TRMT11: variants seen among roughly 807,000 people sequenced by gnomAD.
TRMT11 encodes tRNA methyltransferase 11.
Under a neutral mutation model 62.8 loss-of-function variants are expected in TRMT11, and 53 were observed. That is an observed-to-expected ratio of 0.84 (90% CI 0.68 to 1.06). The LOEUF is 1.06. Among genes scored for constraint, TRMT11 ranks in the 50% least tolerant of loss-of-function variants. The probability of loss-of-function intolerance (pLI) is 0.00; values close to 1 mark genes in which losing one functional copy is unlikely to be tolerated. For missense variants in TRMT11, 556 were observed against 553.4 expected (o/e 1.00, Z -0.05); for synonymous variants, 188 against 190.3 (o/e 0.99, Z 0.10).
intron 2 of TRMT11, among the ~76,000 whole-genome samples, chr6:125,994,322 T>C (rs564525924): frequency 6.6e-6 from 1 of 152,114 alleles, no homozygotes; most frequent in Non-Finnish European, 1.5e-5. Flanking sequence ...TCTTTTTTTT[T>C]TTCGTGTACT....
chr6:126,238,151 C>T, the TRMT11 span, among the ~76,000 whole-genome samples: 1 of 152,096 alleles, frequency 6.6e-6, no homozygotes, highest in Admixed American at 6.6e-5. Context: ...TTGATCTTTT[C>T]AAGAAACCAT....
At chr6:126,139,560 G>T (rs1045711035) in intron 21 of TRMT11, among the ~76,000 whole-genome samples, 102 of 151,928 alleles carry the variant, frequency 6.7e-4, no homozygotes, top group African/African-American at 2.4e-3. Context: ...GTAGAGATGG[G>T]GTTTCACCAT....
chr6:126,098,431 T>C (rs1583874259), intron 17 of TRMT11, among the ~76,000 whole-genome samples: 1 of 152,244 alleles, frequency 6.6e-6, no homozygotes, highest in Non-Finnish European at 1.5e-5. Context: ...AAAAGCATAC[T>C]TCAGATGCAT....
At chr6:126,240,722 A>G in the TRMT11 span, among the ~76,000 whole-genome samples, 1 of 152,210 alleles carries the variant, frequency 6.6e-6, no homozygotes, top group Non-Finnish European at 1.5e-5. Flanking sequence ...GAGAACCACT[A>G]GTGTCTTCCA....
downstream of TRMT11, among the ~76,000 whole-genome samples, chr6:126,205,157 G>C (rs2128254462): frequency 6.6e-6 from 1 of 152,280 alleles, no homozygotes; most frequent in South Asian, 2.1e-4. Context: ...AGAGGAGATG[G>C]AATAGGAAAA....
At chr6:126,271,379 A>G in the TRMT11 span, among the ~76,000 whole-genome samples, 11 of 150,416 alleles carry the variant, frequency 7.3e-5, no homozygotes, top group Non-Finnish European at 1.5e-4. Context: ...AAAAAAAAAA[A>G]AAAAAAAAAG....
chr6:126,142,476 T>C (rs1562332476), intron 21 of TRMT11, among the ~76,000 whole-genome samples: 1 of 152,088 alleles, frequency 6.6e-6, no homozygotes, highest in Non-Finnish European at 1.5e-5. Context: ...ATTGTAACTT[T>C]TGATTTGTAG....
chr6:126,043,966 A>T (rs1775964341), downstream of TRMT11, among the ~76,000 whole-genome samples: 1 of 151,942 alleles, frequency 6.6e-6, no homozygotes, highest in South Asian at 2.1e-4. Context: ...CCTTTGTCAG[A>T]TGAGTAGGTT....
upstream of TRMT11, among the ~76,000 whole-genome samples, chr6:126,176,768 C>A (rs2128238989): frequency 6.6e-6 from 1 of 152,116 alleles, no homozygotes; most frequent in South Asian, 2.1e-4. Flanking sequence ...AATTAATGAA[C>A]AAGAAGCCCA....
intron 17 of TRMT11, among the ~76,000 whole-genome samples, chr6:126,074,662 G>T (rs530602104): frequency 1.3e-5 from 2 of 152,072 alleles, no homozygotes; most frequent in African/African-American, 4.8e-5. Context: ...TTTTTTATGT[G>T]TTATTTTCCT....
At chr6:126,203,236 AT>A (rs1778756665), downstream of TRMT11, among the ~76,000 whole-genome samples, 2 of 152,220 alleles carry the variant, frequency 1.3e-5, no homozygotes, top group Non-Finnish European at 2.9e-5. Flanking sequence ...TTTTTGAACA[AT>A]TTAATCTTTT....
chr6:126,104,529 G>C (rs548933955), intron 17 of TRMT11, among the ~76,000 whole-genome samples: 1 of 152,288 alleles, frequency 6.6e-6, no homozygotes, highest in South Asian at 2.1e-4. Flanking sequence ...TGGCTCAGTG[G>C]GCCTGTCCCC....
chr6:126,145,913 T>A (rs79157381), intron 21 of TRMT11, among the ~76,000 whole-genome samples: 77 of 152,290 alleles, frequency 5.1e-4, no homozygotes, highest in African/African-American at 1.8e-3. Context: ...TAAAAATAAA[T>A]CTCCAGGTGG....
At chr6:126,257,250 A>G in the TRMT11 span, among the ~76,000 whole-genome samples, 175 of 151,966 alleles carry the variant, frequency 1.2e-3, no homozygotes, top group Middle Eastern at 3.4e-3. Context: ...TTTGGGGTCT[A>G]AAAGGTCCTT....
At chr6:126,098,535 A>G (rs1777363734) in intron 17 of TRMT11, among the ~76,000 whole-genome samples, 1 of 152,206 alleles carries the variant, frequency 6.6e-6, no homozygotes, top group Non-Finnish European at 1.5e-5. Flanking sequence ...TATAGACCAC[A>G]GTGACTGTAC....
the TRMT11 span, among the ~76,000 whole-genome samples, chr6:126,238,200 C>T: frequency 6.6e-6 from 1 of 151,954 alleles, no homozygotes; most frequent in African/African-American, 2.4e-5. Context: ...TTTTTTGTGT[C>T]TCTATCTCCT....
At chr6:126,156,486 G>C (rs1778123285) in intron 21 of TRMT11, among the ~76,000 whole-genome samples, 1 of 152,232 alleles carries the variant, frequency 6.6e-6, no homozygotes, top group Non-Finnish European at 1.5e-5. Context: ...TGCACCTGCA[G>C]GCTTATCACA....
At chr6:126,241,039 T>G in the TRMT11 span, among the ~76,000 whole-genome samples, 1 of 152,178 alleles carries the variant, frequency 6.6e-6, no homozygotes, top group Non-Finnish European at 1.5e-5. Context: ...TGGTGTGCCA[T>G]TTGCTAAGAC....
chr6:126,009,252 T>G (rs1241983782), intron 8 of TRMT11: 1 of 152,016 alleles, frequency 6.6e-6, no homozygotes, highest in Non-Finnish European at 1.5e-5. Flanking sequence ...ATTTTATAAC[T>G]GACCAAAACC....
Sources: allele counts gnomAD v4.1 joint callset (sites outside exome capture counted in the v4.1 genomes callset), GRCh38; gene constraint gnomAD v4.1.1; transcripts MANE v1.5; gene names NCBI Gene and HGNC (gene_info 2026-07-23, HGNC 2026-07-21).